MEIS2: variants seen among roughly 807,000 people sequenced by gnomAD.
MEIS2 encodes homeobox protein Meis2.
Under a neutral mutation model 58.6 loss-of-function variants are expected in MEIS2, and 9 were observed. The observed-to-expected ratio is 0.15, with a 90% confidence interval of 0.09 to 0.27. The LOEUF is 0.27. Among genes scored for constraint, MEIS2 ranks in the 10% least tolerant of loss-of-function variants. The pLI is 1.00. For missense variants in MEIS2, 427 were observed against 635.0 expected, an observed-to-expected ratio of 0.67 and a Z score of 3.52; for synonymous variants, 221 against 228.4, an observed-to-expected ratio of 0.97 and a Z score of 0.29.
chr15:37,061,461 T>C (rs1002354806), intron 7 of MEIS2, among the ~76,000 whole-genome samples: 6 of 152,200 alleles, frequency 3.9e-5, no homozygotes, highest in Admixed American at 6.5e-5. Context: ...ATTTATAAAA[T>C]ATCTTTAACA....
chr15:37,100,489 G>C lies in MEIS2; in HGVS notation c.-1023C>G, dbSNP rs998002322. The C allele has an allele frequency of 2.0e-5, 3 of 152,288 alleles. No homozygotes were observed. The highest frequency in any genetic ancestry group is 7.3e-5 in the African/African-American group (3 of 41,288). 9.4% of individuals were successfully genotyped at this position (152,288 alleles called of 1,614,324 possible). On this transcript the variant is annotated 5_prime_UTR_variant, in exon 1 of 12. Coordinates refer to ENST00000561208, the MANE Select transcript of MEIS2 (RefSeq NM_170675.5). The stretch of plus-strand genomic sequence containing the variant: ...GTCGTACGGCGGAGACACATCCCGG[G>C]AGTGGGGAGCGGGAGCGAGGAGGAG...
chr15:36,941,369 C>G (rs2058369355), intron 9 of MEIS2, among the ~76,000 whole-genome samples: 1 of 152,118 alleles, frequency 6.6e-6, no homozygotes, highest in Non-Finnish European at 1.5e-5. Context: ...ACAAAGAAAA[C>G]TATGAGAATC....
intron 9 of MEIS2, among the ~76,000 whole-genome samples, chr15:36,944,381 G>A (rs2058484212): frequency 6.6e-6 from 1 of 152,056 alleles, no homozygotes; most frequent in Non-Finnish European, 1.5e-5. Flanking sequence ...CTGGAAACTG[G>A]ACAGAGATGC....
Position 37,067,122 on chromosome 15 carries a change from C to G in MEIS2, c.754+16649G>C, listed in dbSNP as rs1890049763. On this transcript the variant is annotated intron_variant, in intron 7 of 11. Transcript: ENST00000561208. Reference sequence around the variant, plus strand: ...TTTTTTTTTTTGAGATAGGGTGTCACTCTGTCACCCAGGCTGGAGTGCAGT... The same window carrying G: ...TTTTTTTTTTTGAGATAGGGTGTCAGTCTGTCACCCAGGCTGGAGTGCAGT... 2.7e-5 allele frequency among the ~76,000 whole-genome samples: 4 copies of G among 146,816 alleles called. No individual in the cohort carries two copies. In the South Asian group the frequency reaches 8.7e-4, roughly 32 times the overall value.
intron 8 of MEIS2, among the ~76,000 whole-genome samples, chr15:36,956,189 A>T (rs2058965635): frequency 3.0e-5 from 1 of 33,092 alleles, no homozygotes; most frequent in Non-Finnish European, 7.4e-5. Flanking sequence ...ACTCCATCTC[A>T]AAAAAAAAAA....
intron 8 of MEIS2, among the ~76,000 whole-genome samples, chr15:36,966,797 CTG>C (rs1163823525): frequency 3.3e-5 from 5 of 152,070 alleles, no homozygotes; most frequent in African/African-American, 1.2e-4. Context: ...TAGAAAATAA[CTG>C]GGGATGCTGC....
At position 37,084,010 on chromosome 15, in the gene MEIS2, T is replaced by C. The variant is rs1596101762; in HGVS notation, c.640-125A>G. ...ATATTAGTATTTGTGGCAGTAGGCA[T>C]ATACGCATGCCATGTTATGGTGTGC... On this transcript the variant is annotated intron_variant, in intron 6 of 11. Coordinates refer to ENST00000561208, the MANE Select transcript of MEIS2 (RefSeq NM_170675.5). The C allele has an allele frequency of 5.7e-6, 4 of 697,382 alleles. No homozygotes were observed. In the East Asian group the frequency reaches 1.1e-4, roughly 19 times the overall value. The allele number at this position is 697,382 out of a possible 1,614,324, so 43.2% of individuals were successfully genotyped here.
At chr15:37,070,561 G>A (rs1326741559) in intron 7 of MEIS2, among the ~76,000 whole-genome samples, 1 of 152,098 alleles carries the variant, frequency 6.6e-6, no homozygotes, top group African/African-American at 2.4e-5. Flanking sequence ...AGGATACCCT[G>A]CTCTACTGCA....
chr15:36,979,168 G>A (rs1229564487), intron 8 of MEIS2, among the ~76,000 whole-genome samples: 1 of 152,046 alleles, frequency 6.6e-6, no homozygotes, highest in Non-Finnish European at 1.5e-5. Context: ...TCAAAACACA[G>A]TGAAAATTTT....
chr15:36,909,181 T>C (rs2056884647), intron 9 of MEIS2, among the ~76,000 whole-genome samples: 1 of 152,266 alleles, frequency 6.6e-6, no homozygotes. Context: ...AGAAATCTCT[T>C]TGAGGCAACT....
intron 8 of MEIS2, among the ~76,000 whole-genome samples, chr15:37,011,075 T>C (rs1455884997): frequency 6.6e-6 from 1 of 152,252 alleles, no homozygotes; most frequent in Admixed American, 6.5e-5. Flanking sequence ...AACTGGAATG[T>C]ACCTGAAATG....
At chr15:36,934,808 A>AT (rs1423692726) in intron 9 of MEIS2, among the ~76,000 whole-genome samples, 3 of 152,216 alleles carry the variant, frequency 2.0e-5, no homozygotes, top group Non-Finnish European at 4.4e-5. Context: ...TTCAATTTAG[A>AT]TGTTTGTAAA....
chr15:37,098,106 C>A lies in MEIS2; in HGVS notation c.106G>T (p.Val36Phe). Residue 36 changes from valine to phenylalanine, a missense_variant, in exon 2 of 12, where the codon GTT becomes TTT. Around this residue, in one of 6 missense-constraint regions of MEIS2, gnomAD observed 103 missense variants for 111.8 expected, o/e 0.92. Coordinates refer to ENST00000561208, the MANE Select transcript of MEIS2 (RefSeq NM_170675.5). ...DPHAPRPIPPVHHLNHGPPLH... is the reference protein window; with the variant it reads ...DPHAPRPIPPFHHLNHGPPLH... ...GGCGGCCCGTGGTTCAGGTGGTGAACCGGGGGGATCGGCCGCGGCGCGTGA... is the reference window on the plus strand; with the variant it reads ...GGCGGCCCGTGGTTCAGGTGGTGAAACGGGGGGATCGGCCGCGGCGCGTGA... The A allele has an allele frequency of 6.2e-7, 1 of 1,613,618 alleles. No homozygotes were observed. Among genetic ancestry groups the A allele is most frequent in the Non-Finnish European group, 8.5e-7 (1 of 1,179,906 alleles).
chr15:37,017,162 T>C lies in MEIS2; in HGVS notation c.900+19652A>G, dbSNP rs2061376916. On this transcript the variant is annotated intron_variant, in intron 8 of 11. Coordinates refer to ENST00000561208, the MANE Select transcript of MEIS2 (RefSeq NM_170675.5). ...TCTGATGACGCAAACCGATAGAAAA[T>C]AATAAAATTGTTTGAACATCAAACA... 2.6e-5 allele frequency among the ~76,000 whole-genome samples: 4 copies of C among 152,014 alleles called. No individual in the cohort carries two copies. In the South Asian group the frequency reaches 8.3e-4, roughly 32 times the overall value.
chr15:37,090,032 A>G (rs992047742), intron 6 of MEIS2, among the ~76,000 whole-genome samples: 6 of 152,148 alleles, frequency 3.9e-5, no homozygotes, highest in African/African-American at 1.4e-4. Flanking sequence ...TATTTTAAAC[A>G]TGATAAATTT....
chr15:36,950,734 T>A (rs1296620672), intron 8 of MEIS2, among the ~76,000 whole-genome samples: 1 of 152,148 alleles, frequency 6.6e-6, no homozygotes, highest in African/African-American at 2.4e-5. Flanking sequence ...CTAAAGGAAC[T>A]GGTTTCAGGC....
intron 6 of MEIS2, among the ~76,000 whole-genome samples, chr15:37,090,201 T>G (rs1893350930): frequency 6.6e-6 from 1 of 152,000 alleles, no homozygotes; most frequent in Non-Finnish European, 1.5e-5. Context: ...ACAAAATACA[T>G]TATAATATTA....
intron 9 of MEIS2, among the ~76,000 whole-genome samples, chr15:36,936,058 C>T (rs1248211070): frequency 1.3e-5 from 2 of 151,834 alleles, no homozygotes; most frequent in African/African-American, 4.8e-5. Flanking sequence ...AAATATTTTA[C>T]TTGCTCTGTC....
chr15:37,083,833 C>G lies in MEIS2; in HGVS notation c.692G>C (p.Gly231Ala). Residue 231 changes from glycine to alanine, a missense_variant, in exon 7 of 12, where the codon GGC becomes GCC. Coordinates refer to ENST00000561208, the MANE Select transcript of MEIS2 (RefSeq NM_170675.5). ...GCCCCCACTGGAGGGCCCTGGGGTG[C>G]CTGCTGAGTGGGTTGAGGTTGCATC... ...HDDATSTHSA[G>A]TPGPSSGGHA... is the part of the protein sequence containing the mutation. 6.2e-7 allele frequency: 1 copy of G among 1,614,010 alleles called. No homozygotes were observed. The highest frequency in any genetic ancestry group is 8.5e-7 in the Non-Finnish European group (1 of 1,179,948).
Sources: gnomAD v4.1 joint callset for allele counts (sites outside exome capture counted in the v4.1 genomes callset) on GRCh38, gnomAD v4.1.1 for gene constraint, gnomAD v4.1.1 regional missense constraint, MANE v1.5 for transcripts, NCBI Gene and HGNC (gene_info 2026-07-23, HGNC 2026-07-21) for gene names.